ERC1: variants seen among roughly 807,000 people sequenced by gnomAD.
ERC1 encodes RAB6 interacting protein 2.
Under a neutral mutation model 132.0 loss-of-function variants are expected in ERC1, and 56 were observed. That is an observed-to-expected ratio of 0.42 (90% CI 0.34 to 0.53). ERC1 has a LOEUF of 0.53. Among genes scored for constraint, ERC1 ranks in the 20% least tolerant of loss-of-function variants. The pLI, the probability that ERC1 is intolerant of heterozygous loss-of-function variation, is 0.03. For synonymous variants in ERC1, 478 were observed against 476.1 expected, an observed-to-expected ratio of 1.00 and a Z score of -0.05; for missense variants, 1,202 against 1,349.9, an observed-to-expected ratio of 0.89 and a Z score of 1.72.
chr12:1,298,282 C>T (rs1202624903), intron 15 of ERC1, among the ~76,000 whole-genome samples: 1 of 152,094 alleles, frequency 6.6e-6, no homozygotes. Flanking sequence ...TGGCTCAGGC[C>T]TGTAATCCCA....
In ERC1 at chr12:1,353,939, C is replaced by T. The variant is rs550980772; in HGVS notation, c.2781-17894C>T. Among the ~76,000 whole-genome samples, 298 of 152,106 alleles carry T rather than the reference C, an allele frequency of 2.0e-3. 1 individual carries two copies. Among genetic ancestry groups the T allele is most frequent in the African/African-American group, 7.0e-3 (292 of 41,428 alleles). On this transcript the variant is annotated intron_variant, in intron 15 of 18. Transcript: ENST00000360905. ...TTTTATCTCTTCTTATTTCTGGAAA[C>T]TTTCTTTATCTTTGGCTTCCAGGGG...
intron 7 of ERC1, among the ~76,000 whole-genome samples, chr12:1,130,784 C>T (rs561784746): frequency 2.6e-5 from 4 of 152,090 alleles, no homozygotes; most frequent in South Asian, 2.1e-4. Flanking sequence ...AGTTTACTTC[C>T]GTGTGGTCTG....
At chr12:1,279,459 T>C (rs1471833379) in intron 14 of ERC1, among the ~76,000 whole-genome samples, 1 of 152,154 alleles carries the variant, frequency 6.6e-6, no homozygotes, top group Non-Finnish European at 1.5e-5. Context: ...ATTACTGTCC[T>C]GGAAGTCCAG....
chr12:1,073,432 A>G (rs1372203030), intron 2 of ERC1, among the ~76,000 whole-genome samples: 1 of 152,140 alleles, frequency 6.6e-6, no homozygotes, highest in African/African-American at 2.4e-5. Flanking sequence ...TGGGCGGATA[A>G]CCTGAGGTCA....
chr12:1,158,098 C>T (rs1296378137), intron 8 of ERC1, among the ~76,000 whole-genome samples: 1 of 152,180 alleles, frequency 6.6e-6, no homozygotes. Flanking sequence ...CTAGTTTCTC[C>T]TGTGATTATC....
At chr12:1,001,154 G>A (rs957905429) in intron 1 of ERC1, among the ~76,000 whole-genome samples, 4 of 152,104 alleles carry the variant, frequency 2.6e-5, no homozygotes, top group Non-Finnish European at 5.9e-5. Context: ...TGCTCACCTC[G>A]GCCTCCCAAA....
intron 7 of ERC1, among the ~76,000 whole-genome samples, chr12:1,125,071 T>G (rs1236702155): frequency 1.3e-5 from 2 of 152,114 alleles, no homozygotes; most frequent in Admixed American, 1.3e-4. Flanking sequence ...CTTGGCTCAC[T>G]GCAACCTCCA....
intron 18 of ERC1, 110 bp downstream of exon 18, chr12:1,444,860 G>C: frequency 1.1e-6 from 1 of 929,074 alleles, no homozygotes; most frequent in East Asian, 2.6e-5. Flanking sequence ...AGTTGATGCA[G>C]TGGGGGCTAC....
intron 1 of ERC1, among the ~76,000 whole-genome samples, chr12:1,005,847 AT>A (rs1272129398): frequency 2.6e-5 from 4 of 151,922 alleles, no homozygotes; most frequent in African/African-American, 9.7e-5. Flanking sequence ...ATCAATCAGG[AT>A]TTCCTTCCAA....
chr12:1,080,073 C>T (rs918162218), intron 2 of ERC1, among the ~76,000 whole-genome samples: 6 of 152,214 alleles, frequency 3.9e-5, no homozygotes, highest in African/African-American at 1.4e-4. Context: ...GAGAACTAAC[C>T]TAAAATATCC....
chr12:1,083,133 T>C (rs773014844), intron 2 of ERC1, 31 bp from the exon 3 acceptor site: 9 of 1,569,014 alleles, frequency 5.7e-6, no homozygotes, highest in Non-Finnish European at 6.9e-6. Flanking sequence ...GGAAAGCTGA[T>C]TTGGGGGTTT....
At chr12:1,254,288 T>G (rs1005640578) in intron 13 of ERC1, among the ~76,000 whole-genome samples, 1 of 152,208 alleles carries the variant, frequency 6.6e-6, no homozygotes, top group African/African-American at 2.4e-5. Context: ...CTGAATTGTT[T>G]AAGCAGAGTA....
chr12:1,373,937 A>G (rs1216594188), intron 16 of ERC1, among the ~76,000 whole-genome samples: 2 of 152,248 alleles, frequency 1.3e-5, no homozygotes, highest in African/African-American at 2.4e-5. Flanking sequence ...GAGAAAAATA[A>G]TAACAGTTCT....
At chr12:1,219,241 C>T (rs1317809433) in intron 12 of ERC1, among the ~76,000 whole-genome samples, 1 of 152,150 alleles carries the variant, frequency 6.6e-6, no homozygotes, top group Non-Finnish European at 1.5e-5. Context: ...TAATAATATA[C>T]AAGGTGCTCC....
intron 12 of ERC1, 120 bp downstream of exon 12, chr12:1,190,172 T>C (rs1209606431): frequency 1.1e-6 from 1 of 928,596 alleles, no homozygotes; most frequent in Non-Finnish European, 1.8e-6. Flanking sequence ...ATTCTTGCTA[T>C]TACTGTATTA....
intron 8 of ERC1, among the ~76,000 whole-genome samples, chr12:1,151,342 A>G (rs1257706900): frequency 6.6e-6 from 1 of 152,202 alleles, no homozygotes; most frequent in Non-Finnish European, 1.5e-5. Context: ...TAGTCAACCT[A>G]ATTCTATTTG....
intron 18 of ERC1, among the ~76,000 whole-genome samples, chr12:1,468,103 A>G (rs1033808848): frequency 4.6e-5 from 7 of 152,230 alleles, no homozygotes; most frequent in African/African-American, 1.4e-4. Flanking sequence ...AATCACATCA[A>G]CCTTTTACAA....
At chr12:1,479,567 G>A (rs140524432) in intron 18 of ERC1, among the ~76,000 whole-genome samples, 128 of 152,318 alleles carry the variant, frequency 8.4e-4, no homozygotes, top group African/African-American at 3.0e-3. Context: ...GGTAACACAT[G>A]TAGACTATTC....
chr12:1,037,975 C>T (rs953045204), intron 2 of ERC1, among the ~76,000 whole-genome samples: 2 of 151,174 alleles, frequency 1.3e-5, no homozygotes, highest in Admixed American at 1.3e-4. Context: ...ACCCGGGAGG[C>T]GGCTCTTGCA....
Sources: gnomAD v4.1 joint callset for allele counts (sites outside exome capture counted in the v4.1 genomes callset) on GRCh38, gnomAD v4.1.1 for gene constraint, MANE v1.5 for transcripts, NCBI Gene and HGNC (gene_info 2026-07-23, HGNC 2026-07-21) for gene names.